CNTN5: variants seen among roughly 807,000 people sequenced by gnomAD.
CNTN5 encodes contactin-5.
In CNTN5, 77 loss-of-function variants were observed where a neutral mutation model predicts 129.1. The ratio of observed to expected loss-of-function variants is 0.60; its 90% CI spans 0.50 to 0.72. The LOEUF (loss-of-function observed/expected upper bound fraction) is 0.72, where lower values mean the gene tolerates loss of function less well. Ranked by LOEUF, CNTN5 falls within the 30% of genes least tolerant of loss-of-function variation. The pLI is 0.00. For missense variants in CNTN5, 1,478 were observed against 1,328.8 expected (o/e 1.11, Z -1.75); for synonymous variants, 509 against 465.6 (o/e 1.09, Z -1.20).
chr11:99,795,133 TTTC>T (rs1241801010), intron 3 of CNTN5, among the ~76,000 whole-genome samples: 1 of 152,208 alleles, frequency 6.6e-6, no homozygotes, highest in African/African-American at 2.4e-5. Flanking sequence ...TTCATTCTTT[TTTC>T]TTTATTTTTG....
At chr11:99,788,794 T>C (rs1945630082) in intron 3 of CNTN5, among the ~76,000 whole-genome samples, 1 of 151,924 alleles carries the variant, frequency 6.6e-6, no homozygotes, top group South Asian at 2.1e-4. Flanking sequence ...AACTTAGTTG[T>C]ATCGTGTGTA....
chr11:99,978,011 G>A (rs1316909466), intron 8 of CNTN5, among the ~76,000 whole-genome samples: 1 of 152,210 alleles, frequency 6.6e-6, no homozygotes, highest in Admixed American at 6.5e-5. Flanking sequence ...GTCAGTGATG[G>A]ACCACATATA....
intron 1 of CNTN5, among the ~76,000 whole-genome samples, chr11:99,082,807 A>G (rs1435036180): frequency 6.6e-6 from 1 of 152,184 alleles, no homozygotes; most frequent in Non-Finnish European, 1.5e-5. Flanking sequence ...AAGAGTTTCA[A>G]ATACAATGAT....
intron 3 of CNTN5, among the ~76,000 whole-genome samples, chr11:99,771,133 C>A (rs1348028865): frequency 6.6e-6 from 1 of 151,920 alleles, no homozygotes; most frequent in African/African-American, 2.4e-5. Flanking sequence ...TTAATATAAC[C>A]ATTTTCTTGT....
At chr11:100,122,369 C>A (rs1182437128) in intron 13 of CNTN5, among the ~76,000 whole-genome samples, 1 of 151,948 alleles carries the variant, frequency 6.6e-6, no homozygotes, top group Non-Finnish European at 1.5e-5. Context: ...TTCTATCAGG[C>A]GCCCAGCAGA....
At chr11:100,330,700 C>T (rs1310700987) in intron 21 of CNTN5, among the ~76,000 whole-genome samples, 1 of 152,082 alleles carries the variant, frequency 6.6e-6, no homozygotes, top group African/African-American at 2.4e-5. Context: ...CAATTATCCC[C>T]CAAGAATTTC....
At chr11:99,565,020 T>C (rs907981288) in intron 3 of CNTN5, among the ~76,000 whole-genome samples, 3 of 152,322 alleles carry the variant, frequency 2.0e-5, no homozygotes, top group African/African-American at 7.2e-5. Context: ...TATTTAACAT[T>C]TCAATAAGTA....
intron 2 of CNTN5, among the ~76,000 whole-genome samples, chr11:99,481,091 G>A (rs1408691351): frequency 1.3e-5 from 2 of 151,744 alleles, no homozygotes; most frequent in Non-Finnish European, 2.9e-5. Flanking sequence ...GTTCCACAGA[G>A]GATTGGCATT....
chr11:99,167,561 C>G (rs926677888), intron 1 of CNTN5, among the ~76,000 whole-genome samples: 3 of 152,000 alleles, frequency 2.0e-5, no homozygotes, highest in East Asian at 1.9e-4. Context: ...GTGATATGCT[C>G]TATTGGGAAT....
chr11:99,979,762 G>GA (rs2137350139), intron 8 of CNTN5, among the ~76,000 whole-genome samples: 1 of 152,218 alleles, frequency 6.6e-6, no homozygotes, highest in South Asian at 2.1e-4. Flanking sequence ...ATATTCTGTA[G>GA]AAAAATGTCT....
chr11:99,518,601 C>A (rs1419711598), intron 2 of CNTN5, among the ~76,000 whole-genome samples: 1 of 151,978 alleles, frequency 6.6e-6, no homozygotes, highest in African/African-American at 2.4e-5. Context: ...GATCGTTCTC[C>A]AGGGCAATAT....
chr11:99,584,523 G>A (rs1363228164), intron 3 of CNTN5, among the ~76,000 whole-genome samples: 1 of 152,134 alleles, frequency 6.6e-6, no homozygotes, highest in Admixed American at 6.6e-5. Flanking sequence ...AAATTCGGGA[G>A]CCATGGCTTA....
intron 1 of CNTN5, among the ~76,000 whole-genome samples, chr11:99,040,960 T>G (rs1390479509): frequency 6.6e-6 from 1 of 152,120 alleles, no homozygotes; most frequent in Non-Finnish European, 1.5e-5. Flanking sequence ...ATTCCAATCA[T>G]CAGCATCATC....
intron 6 of CNTN5, among the ~76,000 whole-genome samples, chr11:99,915,304 A>G (rs1009032251): frequency 1.1e-4 from 17 of 152,256 alleles, no homozygotes; most frequent in Middle Eastern, 3.4e-3. Context: ...TAAATTACAC[A>G]TCATTCCCTT....
At chr11:99,647,950 A>T (rs941552734) in intron 3 of CNTN5, among the ~76,000 whole-genome samples, 11 of 151,866 alleles carry the variant, frequency 7.2e-5, no homozygotes, top group African/African-American at 2.7e-4. Flanking sequence ...AGGTTTTTCT[A>T]TATATAAGAT....
At chr11:99,494,170 C>G (rs540603971) in intron 2 of CNTN5, among the ~76,000 whole-genome samples, 4 of 152,114 alleles carry the variant, frequency 2.6e-5, no homozygotes, top group Non-Finnish European at 2.9e-5. Context: ...GAACTCACTC[C>G]GTAGTAATCG....
At position 99,259,383 on chromosome 11, in the gene CNTN5, G is replaced by A. The variant is rs143050841; in HGVS notation, c.-209-65963G>A. Among the ~76,000 whole-genome samples the A allele has an allele frequency of 4.3e-3, 657 of 151,670 alleles. 7 individuals are homozygous for A. The highest frequency in any genetic ancestry group is 0.015 in the African/African-American group (624 of 41,420). On this transcript the variant is annotated intron_variant, in intron 1 of 24. Coordinates refer to ENST00000524871, the MANE Select transcript of CNTN5 (RefSeq NM_014361.4). ...ATATTCACATGCCATGTTTTGTAAT[G>A]TCACCATTTTTTTGCTTAAAAAGTG...
At chr11:99,796,936 G>T (rs1565543470) in intron 3 of CNTN5, among the ~76,000 whole-genome samples, 1 of 152,046 alleles carries the variant, frequency 6.6e-6, no homozygotes, top group Non-Finnish European at 1.5e-5. Context: ...AGTTGTGAGG[G>T]CAGGCTGCTC....
At chr11:99,409,325 A>G (rs1942280537) in intron 2 of CNTN5, among the ~76,000 whole-genome samples, 1 of 152,046 alleles carries the variant, frequency 6.6e-6, no homozygotes, top group Non-Finnish European at 1.5e-5. Flanking sequence ...AAAATTAACC[A>G]GGCATGGTGG....
Sources: allele counts gnomAD v4.1 joint callset (sites outside exome capture counted in the v4.1 genomes callset), GRCh38; gene constraint gnomAD v4.1.1; transcripts MANE v1.5; gene names NCBI Gene and HGNC (gene_info 2026-07-23, HGNC 2026-07-21).